The following NR3C2 variants were observed in gnomAD, a reference collection of about 807,000 sequenced individuals.
The protein encoded by NR3C2 is nuclear receptor subfamily 3 group C member 2.
NR3C2 carries 15 observed loss-of-function variants against 86.4 expected under a neutral mutation model. The ratio of observed to expected loss-of-function variants is 0.17; its 90% CI spans 0.12 to 0.27. The LOEUF (loss-of-function observed/expected upper bound fraction) is 0.27. Among genes scored for constraint, NR3C2 ranks in the 10% least tolerant of loss-of-function variants. The pLI is 1.00. For synonymous variants in NR3C2, 458 were observed against 450.5 expected, an observed-to-expected ratio of 1.02 and a Z score of -0.21; for missense variants, 960 against 1,195.6, an observed-to-expected ratio of 0.80 and a Z score of 2.91.
chr4:148,081,187 T>C lies in NR3C2; in HGVS notation c.*157A>G. The C allele has an allele frequency of 9.5e-7, 1 of 1,058,062 alleles. No homozygotes were observed. Among genetic ancestry groups the C allele is most frequent in the Non-Finnish European group, 1.4e-6 (1 of 707,284 alleles). The allele number at this position is 1,058,062 out of a possible 1,614,324, so 65.5% of individuals were successfully genotyped here. The stretch of plus-strand genomic sequence containing the variant: ...TCGCCAAATCCACGGAAAAACAGCT[T>C]TCCCGGCTCCAAACCTCTGACATGA... On this transcript the variant is annotated 3_prime_UTR_variant, in exon 9 of 9. Transcript: ENST00000358102.
chr4:148,382,992 T>C (rs1199353735), intron 2 of NR3C2, among the ~76,000 whole-genome samples: 1 of 152,014 alleles, frequency 6.6e-6, no homozygotes, highest in East Asian at 1.9e-4. Context: ...CCACGGAAAA[T>C]AAAATCCAGT....
chr4:148,315,877 T>C (rs776585592), intron 2 of NR3C2, among the ~76,000 whole-genome samples: 22 of 152,218 alleles, frequency 1.4e-4, no homozygotes, highest in Non-Finnish European at 3.1e-4. Flanking sequence ...ATGTAAATTG[T>C]ATTGCAGTAA....
At chr4:148,364,424 A>G (rs1241722337) in intron 2 of NR3C2, among the ~76,000 whole-genome samples, 2 of 152,148 alleles carry the variant, frequency 1.3e-5, no homozygotes, top group African/African-American at 4.8e-5. Flanking sequence ...TGCTTCCATG[A>G]ATGGTAATGT....
intron 2 of NR3C2, among the ~76,000 whole-genome samples, chr4:148,296,044 CAAAAAAAAAA>C (rs529710200): frequency 1.4e-5 from 1 of 73,962 alleles, no homozygotes; most frequent in Non-Finnish European, 2.4e-5. Flanking sequence ...GAGCTGAGGC[CAAAAAAAAAA>C]AAAAAAAAAA....
chr4:148,304,269 T>C (rs1300768012), intron 2 of NR3C2, among the ~76,000 whole-genome samples: 2 of 151,662 alleles, frequency 1.3e-5, no homozygotes, highest in Non-Finnish European at 2.9e-5. Flanking sequence ...AAGGATTGAG[T>C]TCAGGAGAAG....
At chr4:148,211,601 T>C (rs1737287165) in intron 3 of NR3C2, among the ~76,000 whole-genome samples, 2 of 152,196 alleles carry the variant, frequency 1.3e-5, no homozygotes, top group Admixed American at 1.3e-4. Context: ...TGATAAACCA[T>C]GGCGTCACTG....
chr4:148,355,970 G>A (rs1173956160), intron 2 of NR3C2, among the ~76,000 whole-genome samples: 1 of 152,088 alleles, frequency 6.6e-6, no homozygotes, highest in Non-Finnish European at 1.5e-5. Context: ...TTAGCTTAGT[G>A]AGTATTAAAT....
chr4:148,444,949 C>G (rs1750511160), upstream of NR3C2: 1 of 984,896 alleles, frequency 1.0e-6, no homozygotes, highest in South Asian at 4.7e-5. Context: ...CCGGTGACAG[C>G]TCCGGCGGCC....
At chr4:148,214,657 T>C (rs1737437164) in intron 3 of NR3C2, among the ~76,000 whole-genome samples, 1 of 152,060 alleles carries the variant, frequency 6.6e-6, no homozygotes, top group South Asian at 2.1e-4. Context: ...CATGAGATGA[T>C]GAAATGAGTG....
chr4:148,274,068 A>G (rs1740831915), intron 2 of NR3C2, among the ~76,000 whole-genome samples: 1 of 151,670 alleles, frequency 6.6e-6, no homozygotes, highest in Admixed American at 6.6e-5. Flanking sequence ...CTTGACAGGT[A>G]ATAAAAGGCA....
intron 2 of NR3C2, among the ~76,000 whole-genome samples, chr4:148,261,877 C>T (rs1240358242): frequency 6.6e-6 from 1 of 152,210 alleles, no homozygotes; most frequent in Admixed American, 6.5e-5. Context: ...GAGGAAAGAA[C>T]AAGCTATACA....
intron 4 of NR3C2, among the ~76,000 whole-genome samples, chr4:148,186,996 G>GTATATATATATATA (rs1162757665): frequency 2.2e-4 from 6 of 27,200 alleles, no homozygotes; most frequent in Admixed American, 4.7e-4. Flanking sequence ...GTGTATGTAT[G>GTATATATATATATA]TATATATATA....
intron 2 of NR3C2, among the ~76,000 whole-genome samples, chr4:148,371,324 C>A (rs1414720288): frequency 6.6e-6 from 1 of 152,088 alleles, no homozygotes; most frequent in Non-Finnish European, 1.5e-5. Flanking sequence ...TTCTCTTGCA[C>A]CCCCTCTTGC....
At chr4:148,317,030 C>T (rs1579145752) in intron 2 of NR3C2, among the ~76,000 whole-genome samples, 2 of 152,070 alleles carry the variant, frequency 1.3e-5, no homozygotes, top group South Asian at 4.1e-4. Context: ...TGGGCTCAAG[C>T]GATCCACCTG....
At chr4:148,203,315 C>T (rs1579008024) in intron 3 of NR3C2, among the ~76,000 whole-genome samples, 2 of 151,174 alleles carry the variant, frequency 1.3e-5, no homozygotes, top group Admixed American at 1.3e-4. Context: ...GTAAGTTTCC[C>T]TATTTAAAAA....
At chr4:148,275,428 T>G (rs2149890125) in intron 2 of NR3C2, among the ~76,000 whole-genome samples, 1 of 152,128 alleles carries the variant, frequency 6.6e-6, no homozygotes, top group South Asian at 2.1e-4. Flanking sequence ...GCCAATCTTA[T>G]CTTATCTTTT....
chr4:148,343,184 C>G (rs893409646), intron 2 of NR3C2, among the ~76,000 whole-genome samples: 13 of 152,164 alleles, frequency 8.5e-5, no homozygotes, highest in African/African-American at 2.9e-4. Flanking sequence ...ACTCATTATG[C>G]CAACTCTATA....
chr4:148,263,882 C>A (rs17484259), intron 2 of NR3C2, among the ~76,000 whole-genome samples: 25,412 of 152,152 alleles, frequency 0.17, 2,325 homozygotes, highest in Admixed American at 0.21. Context: ...TTAGCAGTTA[C>A]CACTCTTGCT....
upstream of NR3C2, chr4:148,445,092 C>T (rs1259646352): frequency 2.7e-6 from 2 of 730,894 alleles, no homozygotes; most frequent in Non-Finnish European, 1.7e-6. Context: ...CGCCGGCAGC[C>T]GCCCTCCCAC....
Sources: gnomAD v4.1 joint callset for allele counts (sites outside exome capture counted in the v4.1 genomes callset) on GRCh38, gnomAD v4.1.1 for gene constraint, MANE v1.5 for transcripts, NCBI Gene and HGNC (gene_info 2026-07-23, HGNC 2026-07-21) for gene names.